GRM1: variants seen among roughly 807,000 people sequenced by gnomAD.
GRM1 encodes the protein metabotropic glutamate receptor 1.
In GRM1, 33 loss-of-function variants were observed where a neutral mutation model predicts 90.9. The ratio of observed to expected loss-of-function variants is 0.36; its 90% CI spans 0.28 to 0.49. The LOEUF (loss-of-function observed/expected upper bound fraction) is 0.49. Ranked by LOEUF, GRM1 falls within the 20% of genes least tolerant of loss-of-function variation. The probability of loss-of-function intolerance (pLI) is 0.99; values close to 1 mark genes in which losing one functional copy is unlikely to be tolerated. For missense variants in GRM1, 1,190 were observed against 1,534.3 expected (o/e 0.78, Z 3.75); for synonymous variants, 700 against 613.2 (o/e 1.14, Z -2.09).
At chr6:146,151,043 T>G (rs1160575546) in intron 1 of GRM1, among the ~76,000 whole-genome samples, 1 of 152,014 alleles carries the variant, frequency 6.6e-6, no homozygotes, top group East Asian at 1.9e-4. Context: ...TTCCAAGAAA[T>G]ATTTTTTAAA....
At chr6:146,219,287 C>A (rs1236353965) in intron 2 of GRM1, among the ~76,000 whole-genome samples, 2 of 152,144 alleles carry the variant, frequency 1.3e-5, no homozygotes, top group Non-Finnish European at 2.9e-5. Context: ...ATCTTCCCAG[C>A]AGCTGGTGTG....
At chr6:146,235,825 G>A (rs1438416947) in intron 2 of GRM1, among the ~76,000 whole-genome samples, 1 of 151,106 alleles carries the variant, frequency 6.6e-6, no homozygotes, top group African/African-American at 2.4e-5. Flanking sequence ...ATCTGATCAT[G>A]TCTGTTGTCC....
chr6:146,371,211 A>G (rs1296998735), intron 5 of GRM1, among the ~76,000 whole-genome samples: 3 of 152,108 alleles, frequency 2.0e-5, no homozygotes, highest in Non-Finnish European at 4.4e-5. Context: ...ATTAGATTCT[A>G]TTGTTGCCCA....
At chr6:146,264,904 T>A (rs141656139) in intron 2 of GRM1, among the ~76,000 whole-genome samples, 3 of 152,330 alleles carry the variant, frequency 2.0e-5, no homozygotes, top group African/African-American at 4.8e-5. Flanking sequence ...CCATGGTATA[T>A]ACATCCCTCA....
At chr6:146,159,325 A>G in intron 1 of GRM1, 23 bp from the exon 2 acceptor site, 1 of 1,613,992 alleles carries the variant, frequency 6.2e-7, no homozygotes, top group Non-Finnish European at 8.5e-7. Flanking sequence ...TGTCTTGAAC[A>G]TCTGCTGATT....
chr6:146,337,437 C>A (rs1425573534), intron 3 of GRM1, among the ~76,000 whole-genome samples: 1 of 152,164 alleles, frequency 6.6e-6, no homozygotes, highest in Non-Finnish European at 1.5e-5. Context: ...TCAATCAAAT[C>A]ACTTGGGGGA....
intron 1 of GRM1, among the ~76,000 whole-genome samples, chr6:146,137,386 C>T (rs1776665439): frequency 6.6e-6 from 1 of 152,104 alleles, no homozygotes. Context: ...CATATGGATA[C>T]CCAGTTTTCC....
chr6:146,325,542 G>T (rs1441202221), intron 3 of GRM1, among the ~76,000 whole-genome samples: 3 of 152,172 alleles, frequency 2.0e-5, no homozygotes, highest in African/African-American at 7.2e-5. Context: ...GCCTCAGCCT[G>T]GCTGTACCAT....
chr6:146,191,353 G>T lies in GRM1; in HGVS notation c.950+31756G>T, dbSNP rs79431119. Among the ~76,000 whole-genome samples, 1,494 of 152,262 alleles carry T rather than the reference G, an allele frequency of 9.8e-3. 14 individuals are homozygous for T. Among genetic ancestry groups the T allele is most frequent in the African/African-American group, 0.035 (1,437 of 41,532 alleles). The stretch of plus-strand genomic sequence containing the variant: ...TCCTGCACATTTGGCATAGTGTCTG[G>T]CACAGGTGATGAAGCCTGTGCTATT... On this transcript the variant is annotated intron_variant, in intron 2 of 7. Transcript: ENST00000282753.
rs9386148 is a variant in GRM1 at position 146,252,921 on chromosome 6, G to A, written c.951-51690G>A. On this transcript the variant is annotated intron_variant, in intron 2 of 7. Coordinates refer to ENST00000282753, the MANE Select transcript of GRM1 (RefSeq NM_001278064.2). ...CTAAAAATACAAAAATTAGCTGGGC[G>A]TGGTGGCGTGTGCTTGTAGTCCCAG... Among the ~76,000 whole-genome samples the A allele has an allele frequency of 1.4e-3, 212 of 151,640 alleles. 5 individuals are homozygous for A. In the East Asian group the frequency reaches 0.038, roughly 27 times the overall value.
Position 146,142,853 on chromosome 6 carries a change from C to T in GRM1, c.701-16495C>T, listed in dbSNP as rs148076596. On this transcript the variant is annotated intron_variant, in intron 1 of 7. Transcript: ENST00000282753. The stretch of plus-strand genomic sequence containing the variant: ...CTACCCAAGAACCAAGGCCTGGAAT[C>T]GGTAACCCCACGAGCCTGCTTGGTA... Among the ~76,000 whole-genome samples, 398 of 152,254 alleles carry T rather than the reference C, an allele frequency of 2.6e-3. 3 individuals are homozygous for T. Among genetic ancestry groups the T allele is most frequent in the African/African-American group, 8.7e-3 (360 of 41,542 alleles).
At chr6:146,223,553 G>A (rs1208622378) in intron 2 of GRM1, among the ~76,000 whole-genome samples, 1 of 151,940 alleles carries the variant, frequency 6.6e-6, no homozygotes, top group African/African-American at 2.4e-5. Flanking sequence ...CATGCCAAAA[G>A]GAGGAAACAA....
At chr6:146,159,314 T>G (rs770593944) in intron 1 of GRM1, 34 bp from the exon 2 acceptor site, 6 of 1,613,578 alleles carry the variant, frequency 3.7e-6, no homozygotes, top group Non-Finnish European at 5.1e-6. Context: ...ATTGCCACAG[T>G]TGTCTTGAAC....
chr6:146,234,474 CT>C (rs1780563742), intron 2 of GRM1, among the ~76,000 whole-genome samples: 1 of 151,626 alleles, frequency 6.6e-6, no homozygotes. Context: ...TTATTTATAT[CT>C]GTCTGAATTT....
At chr6:146,133,484 G>A (rs981436233) in intron 1 of GRM1, among the ~76,000 whole-genome samples, 10 of 152,080 alleles carry the variant, frequency 6.6e-5, no homozygotes, top group Admixed American at 2.0e-4. Flanking sequence ...TTTCCATTCT[G>A]GTTCTTTGTG....
At chr6:146,270,938 T>G (rs1474788585) in intron 2 of GRM1, among the ~76,000 whole-genome samples, 2 of 133,698 alleles carry the variant, frequency 1.5e-5, no homozygotes, top group Non-Finnish European at 3.0e-5. Flanking sequence ...CCTTCCTTCC[T>G]TCCTTCCTTC....
intron 1 of GRM1, among the ~76,000 whole-genome samples, chr6:146,133,853 C>A (rs530803006): frequency 4.6e-5 from 7 of 152,300 alleles, no homozygotes; most frequent in African/African-American, 1.4e-4. Context: ...TGGGTTACCT[C>A]TCCTAGGATC....
chr6:146,419,463 A>G (rs1777910054), intron 7 of GRM1, among the ~76,000 whole-genome samples: 1 of 152,232 alleles, frequency 6.6e-6, no homozygotes. Context: ...TATCTGCAAC[A>G]GTGTTTCCAC....
intron 3 of GRM1, among the ~76,000 whole-genome samples, chr6:146,338,724 G>C (rs1283837834): frequency 1.3e-5 from 2 of 152,128 alleles, no homozygotes; most frequent in Non-Finnish European, 2.9e-5. Flanking sequence ...TCCTGCAGTG[G>C]AATGTTATGG....
Sources: allele counts gnomAD v4.1 joint callset (sites outside exome capture counted in the v4.1 genomes callset), GRCh38; gene constraint gnomAD v4.1.1; transcripts MANE v1.5; gene names NCBI Gene and HGNC (gene_info 2026-07-23, HGNC 2026-07-21).